The following FGL1 variants were observed in gnomAD, a reference collection of about 807,000 sequenced individuals.
FGL1 encodes the protein fibrinogen-like protein 1.
Under a neutral mutation model 43.7 loss-of-function variants are expected in FGL1, and 59 were observed. The ratio of observed to expected loss-of-function variants is 1.35; its 90% CI spans 1.10 to 1.68. FGL1 has a LOEUF of 1.68. FGL1 is among the 40% of genes most tolerant of loss of function. The pLI is 0.00. For missense variants in FGL1, 596 were observed against 373.0 expected (o/e 1.60, Z -4.92); for synonymous variants, 192 against 126.5 (o/e 1.52, Z -3.48).
chr8:17,882,250 G>C, intron 2 of FGL1, 71 bp from the exon 3 acceptor site: 1 of 1,356,668 alleles, frequency 7.4e-7, no homozygotes, highest in Non-Finnish European at 1.0e-6. Context: ...TTAAACATTT[G>C]GATAAATCAG....
At chr8:17,891,343 T>A (rs2129442276) in intron 1 of FGL1, 1 of 152,334 alleles carries the variant, frequency 6.6e-6, no homozygotes, top group East Asian at 1.9e-4. Flanking sequence ...TGGACTCTTC[T>A]AGCATTTGGT....
rs779881425 is a variant in FGL1, at chr8:17,864,606, G to T, written c.925C>A (p.Pro309Thr). The part of the protein sequence containing the change: ...VMKIRPNDFI[P>T]NVI ...AACAGCAGCAATTAAATTACATTTGGAATAAAATCATTTGGCCTAATTTTC... is the reference window on the plus strand; with the variant it reads ...AACAGCAGCAATTAAATTACATTTGTAATAAAATCATTTGGCCTAATTTTC... The change falls in exon 8 of 8, where the codon CCA (proline) becomes ACA (threonine). Residue 309 changes from proline to threonine, a missense_variant. Pro to Thr is a conservative substitution (Grantham distance 38). Transcript: ENST00000427924. 65 of 1,606,816 alleles carry T rather than the reference G, an allele frequency of 4.0e-5. No homozygotes were observed. Among genetic ancestry groups the T allele is most frequent in the Non-Finnish European group, 5.4e-5 (64 of 1,178,400 alleles).
At chr8:17,869,378 G>C (rs2053322652) in intron 5 of FGL1, among the ~76,000 whole-genome samples, 1 of 152,166 alleles carries the variant, frequency 6.6e-6, no homozygotes, top group Non-Finnish European at 1.5e-5. Flanking sequence ...ATTTCAGTAA[G>C]AATGTTGATC....
chr8:17,890,215 A>G (rs569071476), intron 1 of FGL1, among the ~76,000 whole-genome samples: 32 of 152,306 alleles, frequency 2.1e-4, no homozygotes, highest in African/African-American at 7.7e-4. Context: ...TCTATTGCTA[A>G]TGTCTGGCCC....
chr8:17,874,106 C>CTT lies in FGL1; in HGVS notation c.413_414dup (p.Asp139LysfsTer27), dbSNP rs2053406789. The CTT allele has an allele frequency of 1.2e-6, 2 of 1,610,672 alleles. No individual in the cohort carries two copies. Among genetic ancestry groups the CTT allele is most frequent in the Non-Finnish European group, 1.7e-6 (2 of 1,179,088 alleles). ...AAATTTCCAAAGCCATTTTCATAGT[C>CTT]TTTCCATCCTCTAAAAAAGGTAAAG... On this transcript the variant is annotated frameshift_variant, in exon 5 of 8. Transcript: ENST00000427924. LOFTEE classifies it high-confidence loss of function.
At chr8:17,891,563 G>A in intron 1 of FGL1, 1 of 420,664 alleles carries the variant, frequency 2.4e-6, no homozygotes, top group Non-Finnish European at 3.2e-6. Context: ...ATTTGCAAAT[G>A]AGATCACATT....
At chr8:17,880,626 C>A (rs753363177) in intron 3 of FGL1, among the ~76,000 whole-genome samples, 84 of 152,270 alleles carry the variant, frequency 5.5e-4, no homozygotes, top group South Asian at 1.9e-3. Flanking sequence ...CATTAAATAT[C>A]ATTCTAGACC....
At chr8:17,870,622 T>G (rs2131699124) in intron 5 of FGL1, among the ~76,000 whole-genome samples, 1 of 152,286 alleles carries the variant, frequency 6.6e-6, no homozygotes, top group African/African-American at 2.4e-5. Flanking sequence ...CAAGGGGCTT[T>G]GGATCCACTT....
At chr8:17,876,328 G>T (rs2131713707) in intron 3 of FGL1, among the ~76,000 whole-genome samples, 1 of 152,084 alleles carries the variant, frequency 6.6e-6, no homozygotes, top group African/African-American at 2.4e-5. Flanking sequence ...TGCACATTAA[G>T]TAGGTGAATA....
At chr8:17,882,664 G>A (rs1467838778) in intron 2 of FGL1, 1 of 127,904 alleles carries the variant, frequency 7.8e-6, no homozygotes. Flanking sequence ...TTGAATGGCT[G>A]TCTGGTATAA....
At chr8:17,880,786 T>G (rs1025978080) in intron 3 of FGL1, among the ~76,000 whole-genome samples, 1 of 152,188 alleles carries the variant, frequency 6.6e-6, no homozygotes, top group East Asian at 1.9e-4. Context: ...AAAGATACCT[T>G]TTACTTCTGG....
intron 1 of FGL1, among the ~76,000 whole-genome samples, chr8:17,888,547 T>A (rs1190629970): frequency 6.6e-6 from 1 of 152,202 alleles, no homozygotes; most frequent in African/African-American, 2.4e-5. Context: ...ACCGAAGACA[T>A]CTGATGTTAG....
At chr8:17,883,688 A>T (rs563587882) in intron 2 of FGL1, among the ~76,000 whole-genome samples, 225 of 143,702 alleles carry the variant, frequency 1.6e-3, no homozygotes, top group African/African-American at 4.0e-3. Context: ...ATATATATAT[A>T]TTTTTTATAT....
chr8:17,882,050 T>C lies in FGL1; in HGVS notation c.193A>G (p.Lys65Glu). Residue 65 changes from lysine to glutamate, a missense_variant, in exon 3 of 8, where the codon AAA (lysine) becomes GAA (glutamate). Coordinates refer to ENST00000427924, the MANE Select transcript of FGL1 (RefSeq NM_004467.4). ...TCAATGACAGTATTCTCATCTCCTT[T>C]ATCAAGGAACTGGACTTCATTCTCC... ...LQENEVQFLD[K>E]GDENTVIDLG... 1.2e-6 allele frequency: 2 copies of C among 1,613,986 alleles called. No homozygotes were observed. Among genetic ancestry groups the C allele is most frequent in the Non-Finnish European group, 1.7e-6 (2 of 1,179,958 alleles).
intron 5 of FGL1, among the ~76,000 whole-genome samples, chr8:17,871,498 A>C (rs1416301237): frequency 4.6e-4 from 70 of 151,160 alleles, no homozygotes; most frequent in East Asian, 2.3e-3. Context: ...TCTCAAAAAA[A>C]AAAACAAAAA....
At chr8:17,867,322 G>A (rs2053284183) in intron 7 of FGL1, among the ~76,000 whole-genome samples, 1 of 152,114 alleles carries the variant, frequency 6.6e-6, no homozygotes, top group Admixed American at 6.6e-5. Context: ...AAGAACCACT[G>A]AGTACCCACT....
chr8:17,877,911 T>G (rs1316384094), intron 3 of FGL1, among the ~76,000 whole-genome samples: 1 of 152,176 alleles, frequency 6.6e-6, no homozygotes, highest in Non-Finnish European at 1.5e-5. Context: ...TAGCTGGCAT[T>G]CACTGAGTAC....
At chr8:17,887,207 G>A (rs981233655) in intron 1 of FGL1, among the ~76,000 whole-genome samples, 1 of 152,020 alleles carries the variant, frequency 6.6e-6, no homozygotes, top group East Asian at 1.9e-4. Flanking sequence ...AGGATTCCTC[G>A]CTGGAGGAAC....
chr8:17,893,827 A>G lies in FGL1; in HGVS notation c.-18+1620T>C, dbSNP rs1049059221. Among the ~76,000 whole-genome samples the G allele has an allele frequency of 2.0e-5, 3 of 147,240 alleles. 1 individual carries two copies. Among genetic ancestry groups the G allele is most frequent in the African/African-American group, 8.0e-5 (3 of 37,472 alleles). On this transcript the variant is annotated intron_variant, in intron 1 of 7. Coordinates refer to ENST00000427924, the MANE Select transcript of FGL1 (RefSeq NM_004467.4). ...TCTCCATCATTCATTATAGTAAACC[A>G]TTATTTCTTCTGCACATCTGGCTTA...
Sources: allele counts gnomAD v4.1 joint callset (sites outside exome capture counted in the v4.1 genomes callset), GRCh38; gene constraint gnomAD v4.1.1; transcripts MANE v1.5; gene names NCBI Gene and HGNC (gene_info 2026-07-23, HGNC 2026-07-21).